The following GRM8 variants were observed in gnomAD, a reference collection of about 807,000 sequenced individuals.
The protein encoded by GRM8 is glutamate metabotropic receptor 8.
GRM8 carries 47 observed loss-of-function variants against 87.2 expected under a neutral mutation model. The ratio of observed to expected loss-of-function variants is 0.54; its 90% CI spans 0.43 to 0.69. The LOEUF is 0.69. Among genes scored for constraint, GRM8 ranks in the 30% least tolerant of loss-of-function variants. GRM8 has a pLI of 0.00. For synonymous variants in GRM8, 396 were observed against 404.5 expected (o/e 0.98, Z 0.25); for missense variants, 1,019 against 1,139.2 (o/e 0.89, Z 1.52).
At position 126,905,087 on chromosome 7, in the gene GRM8, C is replaced by G. The variant is rs1264078775; in HGVS notation, c.728-404G>C. ...TGAGACCCTTATTAAGTAGCAAAGT[C>G]CTTTTGTTACTTTTATTTACTGGTA... On this transcript the variant is annotated intron_variant, in intron 3 of 10. Transcript: ENST00000339582. Among the ~76,000 whole-genome samples, 26 of 152,098 alleles carry G rather than the reference C, an allele frequency of 1.7e-4. 1 individual carries two copies. The highest frequency in any genetic ancestry group is 1.5e-5 in the Non-Finnish European group (1 of 67,996).
intron 6 of GRM8, among the ~76,000 whole-genome samples, chr7:126,844,890 C>T (rs1192849466): frequency 7.2e-5 from 11 of 152,166 alleles, no homozygotes; most frequent in Non-Finnish European, 1.5e-4. Context: ...GCTCTATCTC[C>T]AAATAGTCAC....
At chr7:126,581,075 G>A (rs1795566595) in intron 8 of GRM8, among the ~76,000 whole-genome samples, 1 of 151,914 alleles carries the variant, frequency 6.6e-6, no homozygotes, top group African/African-American at 2.4e-5. Context: ...TTCTGAGGAA[G>A]GCTTTGAGAA....
At chr7:126,497,190 A>G (rs1808890415) in intron 9 of GRM8, among the ~76,000 whole-genome samples, 1 of 151,950 alleles carries the variant, frequency 6.6e-6, no homozygotes, top group Non-Finnish European at 1.5e-5. Context: ...GCAGCAGATT[A>G]CAGAAAGATG....
At chr7:127,087,136 G>A (rs1232781053) in intron 3 of GRM8, among the ~76,000 whole-genome samples, 2 of 152,168 alleles carry the variant, frequency 1.3e-5, no homozygotes, top group African/African-American at 4.8e-5. Flanking sequence ...CCTGCAGCTG[G>A]GGCAGGAGAA....
intron 3 of GRM8, among the ~76,000 whole-genome samples, chr7:126,984,379 A>G (rs1811840963): frequency 6.6e-6 from 1 of 152,196 alleles, no homozygotes; most frequent in African/African-American, 2.4e-5. Context: ...CATTTGAATC[A>G]GTGGGCTGGG....
At chr7:126,586,116 A>G (rs1796099214) in intron 8 of GRM8, among the ~76,000 whole-genome samples, 1 of 152,134 alleles carries the variant, frequency 6.6e-6, no homozygotes, top group South Asian at 2.1e-4. Flanking sequence ...TAGGAATCCA[A>G]CTTACAAGGG....
intron 7 of GRM8, among the ~76,000 whole-genome samples, chr7:126,672,805 C>A (rs572840601): frequency 6.2e-4 from 95 of 152,220 alleles, no homozygotes; most frequent in African/African-American, 2.1e-3. Context: ...TTCTTACTTT[C>A]AAGCATCAAA....
At chr7:127,171,374 G>A (rs1793791846) in intron 2 of GRM8, among the ~76,000 whole-genome samples, 2 of 152,208 alleles carry the variant, frequency 1.3e-5, no homozygotes, top group Non-Finnish European at 2.9e-5. Flanking sequence ...TTGAGAGGAT[G>A]GACTCTAATT....
chr7:126,970,926 T>C (rs920617092), intron 3 of GRM8, among the ~76,000 whole-genome samples: 6 of 152,036 alleles, frequency 3.9e-5, no homozygotes, highest in Admixed American at 1.3e-4. Context: ...GAATGCCTGG[T>C]CAGTGTAGCA....
intron 8 of GRM8, among the ~76,000 whole-genome samples, chr7:126,604,160 T>C (rs1262741729): frequency 1.3e-5 from 2 of 152,084 alleles, no homozygotes; most frequent in African/African-American, 4.8e-5. Flanking sequence ...AATACATACA[T>C]TCAATTAAAA....
intron 2 of GRM8, among the ~76,000 whole-genome samples, chr7:127,177,810 C>T (rs747550586): frequency 4.6e-5 from 7 of 152,190 alleles, no homozygotes; most frequent in Non-Finnish European, 5.9e-5. Context: ...GAGGGTACTA[C>T]ACCAAGGGAA....
At chr7:126,754,026 C>T (rs902676508) in intron 7 of GRM8, among the ~76,000 whole-genome samples, 2 of 151,774 alleles carry the variant, frequency 1.3e-5, no homozygotes, top group Non-Finnish European at 2.9e-5. Flanking sequence ...GGAACCACCG[C>T]CGGATAATGA....
At chr7:126,826,496 C>T (rs1372388222) in intron 6 of GRM8, among the ~76,000 whole-genome samples, 3 of 152,100 alleles carry the variant, frequency 2.0e-5, no homozygotes, top group South Asian at 2.1e-4. Context: ...TTTCATGTGT[C>T]TTTTGGCTGC....
chr7:126,753,140 T>C (rs1816611664), intron 7 of GRM8, among the ~76,000 whole-genome samples: 1 of 151,994 alleles, frequency 6.6e-6, no homozygotes, highest in Non-Finnish European at 1.5e-5. Context: ...GAACATAGAA[T>C]TGAAAATTTT....
intron 6 of GRM8, among the ~76,000 whole-genome samples, chr7:126,819,388 T>G (rs1467402275): frequency 6.6e-6 from 1 of 152,086 alleles, no homozygotes; most frequent in Admixed American, 6.6e-5. Context: ...TTGGACTCAT[T>G]TTCACATTCC....
intron 3 of GRM8, among the ~76,000 whole-genome samples, chr7:127,014,944 AAAGAGAGAG>A (rs149581976): frequency 1.7e-5 from 2 of 118,840 alleles, no homozygotes; most frequent in Non-Finnish European, 3.4e-5. Context: ...AGAGAGAGAG[AAAGAGAGAG>A]AGAAGAAGAA....
intron 7 of GRM8, among the ~76,000 whole-genome samples, chr7:126,672,262 C>T (rs773933775): frequency 9.2e-5 from 14 of 152,202 alleles, no homozygotes; most frequent in Non-Finnish European, 1.5e-4. Flanking sequence ...ATGGTGGCAT[C>T]TGCCGAGGTC....
intron 6 of GRM8, among the ~76,000 whole-genome samples, chr7:126,864,771 A>G (rs1353807264): frequency 2.0e-5 from 3 of 151,618 alleles, no homozygotes; most frequent in Non-Finnish European, 2.9e-5. Context: ...TTGTGTTTTT[A>G]TTTTGTTTTG....
chr7:127,096,633 C>A (rs1824684221), intron 3 of GRM8, among the ~76,000 whole-genome samples: 1 of 151,962 alleles, frequency 6.6e-6, no homozygotes, highest in African/African-American at 2.4e-5. Context: ...TATGATCTCA[C>A]CCAATTCTTA....
Sources: gnomAD v4.1 joint callset for allele counts (sites outside exome capture counted in the v4.1 genomes callset) on GRCh38, gnomAD v4.1.1 for gene constraint, MANE v1.5 for transcripts, NCBI Gene and HGNC (gene_info 2026-07-23, HGNC 2026-07-21) for gene names.